The following FGF13 variants were observed in gnomAD, a reference collection of about 807,000 sequenced individuals.
The protein encoded by FGF13 is fibroblast growth factor 13.
Under a neutral mutation model 19.5 loss-of-function variants are expected in FGF13, and 2 were observed. The observed-to-expected ratio is 0.10, with a 90% CI of 0.04 to 0.32. The LOEUF (loss-of-function observed/expected upper bound fraction) is 0.32, where lower values mean the gene tolerates loss of function less well. Ranked by LOEUF, FGF13 falls within the 10% of genes least tolerant of loss-of-function variation. The pLI is 1.00. For missense variants in FGF13, 113 were observed against 192.7 expected, an observed-to-expected ratio of 0.59 and a Z score of 2.45; for synonymous variants, 72 against 76.9, an observed-to-expected ratio of 0.94 and a Z score of 0.33.
intron 3 of FGF13, among the ~76,000 whole-genome samples, chrX:138,760,449 A>C (rs141111312): frequency 0.015 from 1,695 of 111,807 alleles, 20 homozygotes; most frequent in African/African-American, 0.052. Context: ...AGCTGACACA[A>C]GCCTGCCTCG....
At chrX:138,907,387 G>A (rs750893848) in intron 1 of FGF13, among the ~76,000 whole-genome samples, 6 of 111,743 alleles carry the variant, frequency 5.4e-5, no homozygotes, top group South Asian at 7.6e-4. Flanking sequence ...TAACAAGATT[G>A]TGGGTTGGGA....
At chrX:138,927,755 A>C (rs1198708242) in intron 1 of FGF13, among the ~76,000 whole-genome samples, 2 of 111,973 alleles carry the variant, frequency 1.8e-5, no homozygotes, top group Non-Finnish European at 3.8e-5. Flanking sequence ...CCAAGCTGAT[A>C]TAAACTACAA....
chrX:138,753,987 G>C (rs1319460389), intron 3 of FGF13, among the ~76,000 whole-genome samples: 1 of 111,916 alleles, frequency 8.9e-6, no homozygotes, highest in East Asian at 2.8e-4. Flanking sequence ...ATGGGTTTCT[G>C]ATCATGGGAC....
At chrX:138,841,869 G>A (rs2091152013) in intron 3 of FGF13, among the ~76,000 whole-genome samples, 1 of 111,177 alleles carries the variant, frequency 9.0e-6, no homozygotes, top group African/African-American at 3.3e-5. Flanking sequence ...ACCAGGATGA[G>A]GTAAGGAAAA....
chrX:139,169,991 A>G (rs1280892560), intron 1 of FGF13, among the ~76,000 whole-genome samples: 2 of 111,455 alleles, frequency 1.8e-5, no homozygotes, highest in Admixed American at 1.9e-4. Flanking sequence ...AGCCATCACG[A>G]AATTGCAGGA....
At chrX:138,791,202 T>C (rs1390621732) in intron 3 of FGF13, among the ~76,000 whole-genome samples, 1 of 112,323 alleles carries the variant, frequency 8.9e-6, no homozygotes, top group African/African-American at 3.2e-5. Context: ...TGCCAGAGGA[T>C]ATGTGTAGGT....
chrX:138,822,444 T>C (rs1348414156), intron 3 of FGF13, among the ~76,000 whole-genome samples: 1 of 111,607 alleles, frequency 9.0e-6, no homozygotes, highest in Non-Finnish European at 1.9e-5. Flanking sequence ...GATAGCACAC[T>C]CAAGGGAATA....
chrX:138,907,733 T>G (rs2091565312), intron 1 of FGF13, among the ~76,000 whole-genome samples: 1 of 111,539 alleles, frequency 9.0e-6, no homozygotes, highest in African/African-American at 3.3e-5. Flanking sequence ...TTATTCATGA[T>G]TTCATTATTA....
At chrX:138,857,386 G>A, downstream of FGF13, 1 of 607,854 alleles carries the variant, frequency 1.6e-6, no homozygotes, top group Non-Finnish European at 2.5e-6. Flanking sequence ...CAGCCAGGGG[G>A]CCTCCTAGCT....
At chrX:139,016,780 A>C (rs1393281568) in intron 1 of FGF13, among the ~76,000 whole-genome samples, 1 of 111,354 alleles carries the variant, frequency 9.0e-6, no homozygotes, top group Non-Finnish European at 1.9e-5. Flanking sequence ...TGCCTTTTGC[A>C]TGGAGATCCA....
intron 1 of FGF13, among the ~76,000 whole-genome samples, chrX:139,010,330 C>T (rs773440574): frequency 1.8e-5 from 2 of 111,456 alleles, no homozygotes; most frequent in South Asian, 3.8e-4. Context: ...GGACATTCTA[C>T]CCAACAACTG....
At position 138,628,265 on chromosome X, in the gene FGF13, G is replaced by A. The variant is rs190772943; in HGVS notation, c.*4585C>T. On this transcript the variant is annotated 3_prime_UTR_variant, in exon 5 of 5. Transcript: ENST00000315930. ...ATAAAAGTTATGAAAAGCTGTCTTTGTAAATATGGTTAAGAATTTGAAGGG... is the reference window on the plus strand; with the variant it reads ...ATAAAAGTTATGAAAAGCTGTCTTTATAAATATGGTTAAGAATTTGAAGGG... The A allele has an allele frequency of 8.9e-6, 1 of 112,123 alleles. No individual in the cohort carries two copies. The highest frequency in any genetic ancestry group is 3.2e-5 in the African/African-American group (1 of 30,943). The allele number at this position is 112,123 out of a possible 1,213,427, so 9.2% of individuals were successfully genotyped here.
chrX:138,923,288 A>C (rs1055231422), intron 1 of FGF13, among the ~76,000 whole-genome samples: 1 of 112,024 alleles, frequency 8.9e-6, no homozygotes, highest in Non-Finnish European at 1.9e-5. Context: ...CATCTAGGGC[A>C]ATAAGGAGGC....
intron 1 of FGF13, among the ~76,000 whole-genome samples, chrX:138,914,417 C>T (rs1179651937): frequency 1.2e-4 from 13 of 111,215 alleles, no homozygotes; most frequent in Non-Finnish European, 2.1e-4. Context: ...CTTTCTGAAA[C>T]CATTTGCAAA....
intron 1 of FGF13, among the ~76,000 whole-genome samples, chrX:138,932,732 G>A (rs890359252): frequency 9.1e-6 from 1 of 109,963 alleles, no homozygotes; most frequent in Non-Finnish European, 1.9e-5. Flanking sequence ...GTGTGTGTGT[G>A]TGTGTGTGTG....
chrX:138,913,698 A>T (rs2091603630), intron 1 of FGF13, among the ~76,000 whole-genome samples: 1 of 103,423 alleles, frequency 9.7e-6, no homozygotes, highest in Non-Finnish European at 2.0e-5. Flanking sequence ...GGAAGGAAGG[A>T]AGGAAGGAAA....
intron 1 of FGF13, among the ~76,000 whole-genome samples, chrX:139,199,286 C>T (rs1410842671): frequency 1.8e-5 from 2 of 110,295 alleles, no homozygotes; most frequent in East Asian, 5.6e-4. Flanking sequence ...CCTTCATCTA[C>T]TCTAATGCAC....
upstream of FGF13, among the ~76,000 whole-genome samples, chrX:138,741,755 C>T (rs1156351450): frequency 2.7e-5 from 3 of 111,850 alleles, no homozygotes; most frequent in Admixed American, 1.9e-4. Flanking sequence ...AGAAGTATGA[C>T]AAATGGAAGG....
chrX:138,832,214 T>A (rs2091079325), intron 3 of FGF13, among the ~76,000 whole-genome samples: 1 of 112,284 alleles, frequency 8.9e-6, no homozygotes, highest in African/African-American at 3.2e-5. Context: ...ATTTCTGTTT[T>A]AGGTCTCTGA....
Sources: allele counts gnomAD v4.1 joint callset (sites outside exome capture counted in the v4.1 genomes callset), GRCh38; gene constraint gnomAD v4.1.1; transcripts MANE v1.5; gene names NCBI Gene and HGNC (gene_info 2026-07-23, HGNC 2026-07-21).